Variants in ZFYVE26 observed in about 807,000 individuals in gnomAD.
ZFYVE26 encodes zinc finger FYVE-type containing 26, also known as zinc finger FYVE domain-containing protein 26.
ZFYVE26 carries 181 observed loss-of-function variants against 276.5 expected under a neutral mutation model. That is an observed-to-expected ratio of 0.65 (90% CI 0.58 to 0.74). The LOEUF (loss-of-function observed/expected upper bound fraction) is 0.74, where lower values mean the gene tolerates loss of function less well. Ranked by LOEUF, ZFYVE26 falls within the 30% of genes least tolerant of loss-of-function variation. The pLI, the probability that ZFYVE26 is intolerant of heterozygous loss-of-function variation, is 0.00. For missense variants in ZFYVE26, 2,821 were observed against 3,097.9 expected (o/e 0.91, Z 2.12); for synonymous variants, 1,129 against 1,203.1 (o/e 0.94, Z 1.27).
rs202103136 is a variant in ZFYVE26, at chr14:67,785,206, G to C, written c.3376C>G (p.Pro1126Ala). ...AGGAGCTGAGTCTGGATCTGCACAG[G>C]GTGGGCCTCTGCCTCTGGAGCTTTC... ...AQKAPEAEAH[P>A]VQIQTQLLQK... The change falls in exon 19 of 42, where the codon CCT (proline) becomes GCT (alanine). Residue 1126 changes from proline (P) to alanine (A), a missense_variant. Coordinates refer to ENST00000347230, the MANE Select transcript of ZFYVE26 (RefSeq NM_015346.4). 9 of 1,614,052 alleles carry C rather than the reference G, an allele frequency of 5.6e-6. No individual in the cohort carries two copies. The highest frequency in any genetic ancestry group is 7.6e-6 in the Non-Finnish European group (9 of 1,179,956).
chr14:67,797,232 G>A (rs1036182784), intron 12 of ZFYVE26: 1 of 251,076 alleles, frequency 4.0e-6, no homozygotes, highest in African/African-American at 2.3e-5. Flanking sequence ...ACACAAGTAT[G>A]CACAGACATG....
chr14:67,743,498 TAATAAAATAA>T (rs142422698), downstream of ZFYVE26, among the ~76,000 whole-genome samples: 33,659 of 138,876 alleles, frequency 0.24, 4,543 homozygotes, highest in Non-Finnish European at 0.29. Flanking sequence ...CTCAGTATAA[TAATAAAATAA>T]AATAAAATAA....
intron 13 of ZFYVE26, among the ~76,000 whole-genome samples, chr14:67,739,791 A>C (rs1216091869): frequency 6.6e-6 from 1 of 152,196 alleles, no homozygotes; most frequent in Non-Finnish European, 1.5e-5. Flanking sequence ...CTATATGTAC[A>C]ATCTATTTTT....
chr14:67,768,032 C>T (rs752105256), intron 30 of ZFYVE26, among the ~76,000 whole-genome samples, 192 bp from the exon 31 acceptor site: 1 of 152,164 alleles, frequency 6.6e-6, no homozygotes, highest in Non-Finnish European at 1.5e-5. Context: ...CAGGCATAGA[C>T]CTGAGGCGAG....
At position 67,805,544 on chromosome 14, in the gene ZFYVE26, G is replaced by T. The variant is rs566685704; in HGVS notation, c.1092C>A (p.Pro364=). Residue 364 remains proline (P), a synonymous_variant, in exon 7 of 42, where the codon CCC becomes CCA. Coordinates refer to ENST00000347230, the MANE Select transcript of ZFYVE26 (RefSeq NM_015346.4). ...CCAGGAGTACAAGCAGGCAACTGAG[G>T]GGCCTGAATTCTCTATCAAGTAGGC... ...LGCLLDREFR[P]LSCLLVLLGW... 1.2e-6 allele frequency: 2 copies of T among 1,614,180 alleles called. No homozygotes were observed. The highest frequency in any genetic ancestry group is 8.5e-7 in the Non-Finnish European group (1 of 1,180,040).
chr14:67,793,711 A>G lies in ZFYVE26; in HGVS notation c.2450T>C (p.Leu817Ser), dbSNP rs1221525381. The stretch of plus-strand genomic sequence containing the variant: ...GAGTGAACTTTGAGGATGGGGGTGC[A>G]ATCTACTGTGCAGCTCATTCCGGCC... ...MSGRNELHSR[L>S]HPHPQSSLIP... Residue 817 changes from leucine to serine, a missense_variant, in exon 14 of 42, where the codon TTG (leucine) becomes TCG (serine). Physicochemically the swap from Leu to Ser is moderately radical, Grantham distance 145. Transcript: ENST00000347230. 1.2e-6 allele frequency: 2 copies of G among 1,613,814 alleles called. No homozygotes were observed. Among genetic ancestry groups the G allele is most frequent in the Non-Finnish European group, 1.7e-6 (2 of 1,179,822 alleles).
At chr14:67,763,130 C>T (rs543949945) in intron 32 of ZFYVE26, among the ~76,000 whole-genome samples, 1 of 152,316 alleles carries the variant, frequency 6.6e-6, no homozygotes, top group East Asian at 1.9e-4. Context: ...GTCTTGAACT[C>T]CTGACATCAG....
chr14:67,805,272 A>T lies in ZFYVE26; in HGVS notation c.1216T>A (p.Cys406Ser). ...TCCAGGTGAGCCCACAACCCATCAC[A>T]GGCATCCCTGAGGAGCTCATCACAG... ...PGCDELLRDACDGLWAHLEVL... is the reference protein window; with the variant it reads ...PGCDELLRDASDGLWAHLEVL... The change falls in exon 8 of 42, where the codon TGT becomes AGT. Residue 406 changes from cysteine to serine, a missense_variant. By Grantham distance (112) the Cys-to-Ser change is moderately radical. Coordinates refer to ENST00000347230, the MANE Select transcript of ZFYVE26 (RefSeq NM_015346.4). 1 of 1,614,128 alleles carries T rather than the reference A, an allele frequency of 6.2e-7. No homozygotes were observed. Among genetic ancestry groups the T allele is most frequent in the Non-Finnish European group, 8.5e-7 (1 of 1,180,014 alleles).
chr14:67,780,438 G>C (rs1318365730), intron 22 of ZFYVE26, 93 bp from the exon 23 acceptor site: 1 of 1,135,648 alleles, frequency 8.8e-7, no homozygotes, highest in Non-Finnish European at 1.3e-6. Flanking sequence ...GCCATCCCTA[G>C]ATCTCTGCCC....
At chr14:67,737,088 CTTT>C (rs71129855) in intron 13 of ZFYVE26, among the ~76,000 whole-genome samples, 1 of 104,800 alleles carries the variant, frequency 9.5e-6, no homozygotes, top group Non-Finnish European at 1.9e-5. Context: ...TTTTTCTTTT[CTTT>C]TTTTTTTTTT....
In ZFYVE26 at chr14:67,747,213, G is replaced by A. The variant is rs898921187; in HGVS notation, c.*1223C>T. 1.3e-5 allele frequency: 2 copies of A among 152,318 alleles called. No homozygotes were observed. The highest frequency in any genetic ancestry group is 6.6e-5 in the Admixed American group (1 of 15,256). The allele number at this position is 152,318 out of a possible 1,614,324, so 9.4% of individuals were successfully genotyped here. On this transcript the variant is annotated 3_prime_UTR_variant, in exon 42 of 42. Transcript: ENST00000347230. Reference sequence around the variant, plus strand: ...CTCAAACATTGTCACATCTTGCGTGGGAAGACAAGACAGTGCATATTAAAG... The same window carrying A: ...CTCAAACATTGTCACATCTTGCGTGAGAAGACAAGACAGTGCATATTAAAG...
chr14:67,740,044 C>T (rs2038397533), intron 13 of ZFYVE26, among the ~76,000 whole-genome samples: 1 of 152,172 alleles, frequency 6.6e-6, no homozygotes, highest in African/African-American at 2.4e-5. Context: ...CATTATTTCC[C>T]AGGACCTCAG....
chr14:67,783,195 G>C lies in ZFYVE26; in HGVS notation c.3957C>G (p.Ala1319=), dbSNP rs2140223360. Residue 1319 remains alanine (A), a synonymous_variant, in exon 21 of 42, where the codon GCC becomes GCG. Transcript: ENST00000347230. ...TTAACCTCGGGGAAGCCCCCAGGCAGGCCACCGTAGCTAGGAGCTTTGAGC... is the reference window on the plus strand; with the variant it reads ...TTAACCTCGGGGAAGCCCCCAGGCACGCCACCGTAGCTAGGAGCTTTGAGC... The part of the protein sequence containing the change: ...KSRSKLLATV[A]CLGASPRLKV... 1 of 1,612,248 alleles carries C rather than the reference G, an allele frequency of 6.2e-7. No homozygotes were observed. Among genetic ancestry groups the C allele is most frequent in the East Asian group, 2.2e-5 (1 of 44,840 alleles).
chr14:67,768,584 C>A, intron 29 of ZFYVE26, 36 bp from the exon 30 acceptor site: 1 of 1,608,530 alleles, frequency 6.2e-7, no homozygotes, highest in Non-Finnish European at 8.5e-7. Flanking sequence ...TAAATAAATG[C>A]CTGAGTCACT....
rs758596808 is a variant in ZFYVE26 at position 67,793,665 on chromosome 14, T to C, written c.2496A>G (p.Pro832=). ...QSSLIPMMFS[P]PESLLASCIL... is the part of the protein sequence containing the mutation. The stretch of plus-strand genomic sequence containing the variant: ...TGCAGGATGCCAGCAGTGACTCAGG[T>C]GGGGAGAACATCATGGGGATGAGTG... The change falls in exon 14 of 42, where the codon CCA becomes CCG. Residue 832 remains proline (P), a synonymous_variant. Transcript: ENST00000347230. 6.2e-7 allele frequency: 1 copy of C among 1,613,704 alleles called. No homozygotes were observed. The highest frequency in any genetic ancestry group is 8.5e-7 in the Non-Finnish European group (1 of 1,179,838).
chr14:67,774,937 A>AAC, intron 27 of ZFYVE26, 79 bp downstream of exon 27: 1 of 1,052,322 alleles, frequency 9.5e-7, no homozygotes, highest in Non-Finnish European at 1.4e-6. Context: ...GAAGCAAAAA[A>AAC]AAAAAAAAAA....
At chr14:67,742,758 G>A (rs1039177575), downstream of ZFYVE26, among the ~76,000 whole-genome samples, 1 of 150,878 alleles carries the variant, frequency 6.6e-6, no homozygotes, top group Non-Finnish European at 1.5e-5. Context: ...ATGAGGAGGT[G>A]GGGGAAAAAA....
intron 3 of ZFYVE26, among the ~76,000 whole-genome samples, chr14:67,812,348 G>A (rs1316884889): frequency 6.6e-6 from 1 of 151,992 alleles, no homozygotes; most frequent in East Asian, 1.9e-4. Context: ...AAGATTAAAA[G>A]GCAGAAGGCA....
chr14:67,766,002 T>C (rs1181987101), intron 32 of ZFYVE26, among the ~76,000 whole-genome samples: 2 of 152,216 alleles, frequency 1.3e-5, no homozygotes, highest in African/African-American at 4.8e-5. Flanking sequence ...AAACTCTGCT[T>C]TGAGGGTCTG....
Sources: allele counts gnomAD v4.1 joint callset (sites outside exome capture counted in the v4.1 genomes callset), GRCh38; gene constraint gnomAD v4.1.1; transcripts MANE v1.5; gene names NCBI Gene and HGNC (gene_info 2026-07-23, HGNC 2026-07-21).